OSBPL8: variants seen among roughly 807,000 people sequenced by gnomAD.
OSBPL8 encodes oxysterol-binding protein-related protein 8.
A neutral mutation model predicts 125.5 loss-of-function variants in OSBPL8; 59 were observed. The observed-to-expected ratio is 0.47, with a 90% CI of 0.38 to 0.58. OSBPL8 has a LOEUF of 0.58. Among genes scored for constraint, OSBPL8 ranks in the 20% least tolerant of loss-of-function variants. The probability of loss-of-function intolerance (pLI) is 0.00; values close to 1 mark genes in which losing one functional copy is unlikely to be tolerated. For missense variants in OSBPL8, 758 were observed against 1,047.8 expected (o/e 0.72, Z 3.82); for synonymous variants, 330 against 338.9 (o/e 0.97, Z 0.29).
chr12:76,402,649 C>A, intron 6 of OSBPL8, 40 bp downstream of exon 6: 2 of 1,409,906 alleles, frequency 1.4e-6, no homozygotes, highest in Non-Finnish European at 2.0e-6. Flanking sequence ...ACATGCAAAG[C>A]ACAATGTAAA....
intron 2 of OSBPL8, among the ~76,000 whole-genome samples, chr12:76,484,921 A>G (rs1047362868): frequency 6.6e-6 from 1 of 152,026 alleles, no homozygotes; most frequent in Non-Finnish European, 1.5e-5. Context: ...CACTACTTGT[A>G]TTTTTATTAT....
At chr12:76,546,700 A>G (rs1261312286) in intron 1 of OSBPL8, among the ~76,000 whole-genome samples, 1 of 152,164 alleles carries the variant, frequency 6.6e-6, no homozygotes, top group Non-Finnish European at 1.5e-5. Flanking sequence ...CTGAGAGGGA[A>G]AATGTTTAGA....
At chr12:76,393,710 CAAAAAAAAAAAAAAAA>C (rs11423585) in intron 9 of OSBPL8, among the ~76,000 whole-genome samples, 2 of 52,294 alleles carry the variant, frequency 3.8e-5, no homozygotes, top group Admixed American at 3.3e-4. Flanking sequence ...GACTCCGTTT[CAAAAAAAAAAAAAAAA>C]AAAAAAAAAA....
intron 2 of OSBPL8, chr12:76,486,195 G>A: frequency 6.8e-6 from 2 of 293,966 alleles, no homozygotes; most frequent in South Asian, 6.4e-5. Flanking sequence ...AAGAAAGGCT[G>A]GGACCAAGTT....
chr12:76,509,817 G>A (rs1880794825), intron 1 of OSBPL8, among the ~76,000 whole-genome samples: 1 of 152,116 alleles, frequency 6.6e-6, no homozygotes, highest in African/African-American at 2.4e-5. Context: ...CAGGGGAGCA[G>A]AAGAAACAAA....
At chr12:76,411,835 C>G (rs1170675764) in intron 4 of OSBPL8, among the ~76,000 whole-genome samples, 1 of 152,068 alleles carries the variant, frequency 6.6e-6, no homozygotes, top group East Asian at 1.9e-4. Flanking sequence ...AACCTACATC[C>G]CTATTAGAAT....
chr12:76,436,071 G>C (rs540018062), intron 4 of OSBPL8, among the ~76,000 whole-genome samples: 1 of 149,062 alleles, frequency 6.7e-6, no homozygotes, highest in African/African-American at 2.6e-5. Context: ...CAAGCTATGA[G>C]AGAATATTGA....
At chr12:76,549,634 C>T (rs1222477326) in intron 1 of OSBPL8, among the ~76,000 whole-genome samples, 1 of 152,084 alleles carries the variant, frequency 6.6e-6, no homozygotes, top group Non-Finnish European at 1.5e-5. Context: ...AACTCTTGAC[C>T]TCATGATCCA....
At chr12:76,541,835 AACATG>A (rs2137428328) in intron 1 of OSBPL8, among the ~76,000 whole-genome samples, 1 of 152,256 alleles carries the variant, frequency 6.6e-6, no homozygotes, top group East Asian at 1.9e-4. Context: ...CAGCCTGGGC[AACATG>A]ACAAGACTCT....
intron 4 of OSBPL8, among the ~76,000 whole-genome samples, chr12:76,433,617 C>A (rs1418306406): frequency 6.6e-6 from 1 of 152,058 alleles, no homozygotes; most frequent in African/African-American, 2.4e-5. Context: ...AATGTCCATC[C>A]TATCCAAAAG....
intron 1 of OSBPL8, among the ~76,000 whole-genome samples, chr12:76,544,908 A>G (rs1314911093): frequency 1.3e-5 from 2 of 152,070 alleles, no homozygotes; most frequent in Non-Finnish European, 2.9e-5. Flanking sequence ...TTTCAGAGCT[A>G]TTACAAGGAT....
intron 8 of OSBPL8, 119 bp downstream of exon 8, chr12:76,397,575 G>GA: frequency 3.9e-6 from 4 of 1,027,894 alleles, no homozygotes; most frequent in Non-Finnish European, 5.6e-6. Flanking sequence ...TAATGCAATG[G>GA]AAAGCAGAAC....
chr12:76,382,314 G>T (rs541932183), intron 15 of OSBPL8, among the ~76,000 whole-genome samples: 1 of 151,916 alleles, frequency 6.6e-6, no homozygotes, highest in African/African-American at 2.4e-5. Context: ...TTTTCTTACT[G>T]ATTTTTTACC....
At chr12:76,540,443 A>G (rs537191838) in intron 1 of OSBPL8, among the ~76,000 whole-genome samples, 2 of 152,084 alleles carry the variant, frequency 1.3e-5, no homozygotes, top group African/African-American at 4.8e-5. Context: ...GCAAAACAAC[A>G]TTACAATAGA....
chr12:76,371,682 C>T, intron 18 of OSBPL8, 98 bp from the exon 19 acceptor site: 1 of 1,106,236 alleles, frequency 9.0e-7, no homozygotes, highest in Non-Finnish European at 1.2e-6. Flanking sequence ...TCTGGTTAAT[C>T]CTCCAGTTAA....
rs568651278 is a variant in OSBPL8 at position 76,405,508 on chromosome 12, C to T, written c.289-2742G>A. 6.6e-5 allele frequency among the ~76,000 whole-genome samples: 10 copies of T among 152,164 alleles called. No homozygotes were observed. In the East Asian group the frequency reaches 1.5e-3, roughly 24 times the overall value. Reference sequence around the variant, plus strand: ...AACAATTCTATATGATAAGCTCTAGCGTGGTTATTCCTAAAAGATTACTGT... The same window carrying T: ...AACAATTCTATATGATAAGCTCTAGTGTGGTTATTCCTAAAAGATTACTGT... On this transcript the variant is annotated intron_variant, in intron 5 of 23. Coordinates refer to ENST00000261183, the MANE Select transcript of OSBPL8 (RefSeq NM_020841.5).
intron 2 of OSBPL8, among the ~76,000 whole-genome samples, chr12:76,481,723 T>A (rs1317063659): frequency 2.6e-5 from 4 of 152,186 alleles, no homozygotes. Context: ...ATAATCATAA[T>A]AATGAAGTTA....
chr12:76,517,930 G>A (rs1303031372), intron 1 of OSBPL8, among the ~76,000 whole-genome samples: 1 of 152,154 alleles, frequency 6.6e-6, no homozygotes, highest in African/African-American at 2.4e-5. Flanking sequence ...AGGCCCTACT[G>A]CCAACATTGG....
chr12:76,495,473 A>C (rs1879178188), intron 1 of OSBPL8, among the ~76,000 whole-genome samples: 1 of 152,210 alleles, frequency 6.6e-6, no homozygotes, highest in African/African-American at 2.4e-5. Flanking sequence ...GACTAGTCCA[A>C]AGTGTTTGGG....
Sources: allele counts gnomAD v4.1 joint callset (sites outside exome capture counted in the v4.1 genomes callset), GRCh38; gene constraint gnomAD v4.1.1; transcripts MANE v1.5; gene names NCBI Gene and HGNC (gene_info 2026-07-23, HGNC 2026-07-21).